The following LRMDA variants were observed in gnomAD, a reference collection of about 807,000 sequenced individuals.
LRMDA encodes leucine rich melanocyte differentiation associated, also known as leucine-rich melanocyte differentiation-associated protein.
Under a neutral mutation model 29.8 loss-of-function variants are expected in LRMDA, and 18 were observed. The ratio of observed to expected loss-of-function variants is 0.60; its 90% confidence interval spans 0.42 to 0.90. LRMDA has a LOEUF of 0.90. Among genes scored for constraint, LRMDA ranks in the 40% least tolerant of loss-of-function variants. The pLI is 0.00. For missense variants in LRMDA, 273 were observed against 273.9 expected, an observed-to-expected ratio of 1.00 and a Z score of 0.02; for synonymous variants, 125 against 109.4, an observed-to-expected ratio of 1.14 and a Z score of -0.89.
chr10:76,450,956 G>C (rs900037018), intron 6 of LRMDA, among the ~76,000 whole-genome samples: 2 of 152,126 alleles, frequency 1.3e-5, no homozygotes, highest in Admixed American at 6.5e-5. Flanking sequence ...AGTCAACATG[G>C]AAGAGCTCCT....
intron 6 of LRMDA, among the ~76,000 whole-genome samples, chr10:76,458,565 C>T (rs1170193526): frequency 6.6e-6 from 1 of 152,128 alleles, no homozygotes; most frequent in East Asian, 1.9e-4. Context: ...TATGGGGAAG[C>T]TTGAGCTCTG....
chr10:76,373,037 C>T (rs754555256), intron 6 of LRMDA, among the ~76,000 whole-genome samples: 3 of 152,044 alleles, frequency 2.0e-5, no homozygotes, highest in Non-Finnish European at 2.9e-5. Context: ...TATCGAAGAC[C>T]ATGTGGAATC....
chr10:75,464,590 G>C (rs1471569097), intron 2 of LRMDA, among the ~76,000 whole-genome samples: 1 of 152,138 alleles, frequency 6.6e-6, no homozygotes, highest in Admixed American at 6.5e-5. Context: ...AGAAAGGAAC[G>C]GCATGAGGAT....
At chr10:75,611,178 G>A (rs1403063083) in intron 2 of LRMDA, among the ~76,000 whole-genome samples, 1 of 152,150 alleles carries the variant, frequency 6.6e-6, no homozygotes, top group African/African-American at 2.4e-5. Flanking sequence ...GGCATTAGGA[G>A]TGATGATCTG....
intron 6 of LRMDA, among the ~76,000 whole-genome samples, chr10:76,430,008 A>G (rs530298098): frequency 2.0e-5 from 3 of 152,234 alleles, no homozygotes; most frequent in African/African-American, 4.8e-5. Flanking sequence ...TTATATTTCC[A>G]TACTTTATAA....
chr10:75,566,868 C>G (rs781659386), intron 2 of LRMDA, among the ~76,000 whole-genome samples: 1 of 152,206 alleles, frequency 6.6e-6, no homozygotes, highest in Non-Finnish European at 1.5e-5. Context: ...CTTATCTTTT[C>G]CTTTACTCTG....
intron 2 of LRMDA, among the ~76,000 whole-genome samples, chr10:75,670,859 G>A (rs937501999): frequency 3.9e-5 from 6 of 152,128 alleles, no homozygotes; most frequent in East Asian, 1.9e-4. Flanking sequence ...GGGACTCTGC[G>A]GACTCATGCC....
chr10:76,306,613 C>G lies in LRMDA; in HGVS notation c.517-17788C>G, dbSNP rs553232819. ...TATTCAAGGCAAACATCCTTGGCATCTCTTTTAGAAATAGGCCTGAAAGAT... is the reference window on the plus strand; with the variant it reads ...TATTCAAGGCAAACATCCTTGGCATGTCTTTTAGAAATAGGCCTGAAAGAT... On this transcript the variant is annotated intron_variant, in intron 5 of 6. Coordinates refer to ENST00000611255, the MANE Select transcript of LRMDA (RefSeq NM_001305581.2). Among the ~76,000 whole-genome samples, 105 of 152,300 alleles carry G rather than the reference C, an allele frequency of 6.9e-4. No individual in the cohort carries two copies. The South Asian group carries it at 0.021, about 30-fold the overall frequency.
intron 5 of LRMDA, among the ~76,000 whole-genome samples, chr10:76,219,188 A>G (rs1303682899): frequency 6.6e-6 from 1 of 152,234 alleles, no homozygotes; most frequent in African/African-American, 2.4e-5. Flanking sequence ...CATCGAGGCT[A>G]GGAAGAAACT....
chr10:76,118,591 G>A (rs1417716507), intron 5 of LRMDA, among the ~76,000 whole-genome samples: 1 of 152,058 alleles, frequency 6.6e-6, no homozygotes, highest in Non-Finnish European at 1.5e-5. Context: ...CATGACAGAG[G>A]AAAACATAAG....
Position 76,132,833 on chromosome 10 carries a change from C to T in LRMDA, c.516+74050C>T, listed in dbSNP as rs538753009. Among the ~76,000 whole-genome samples, 31 of 151,802 alleles carry T rather than the reference C, an allele frequency of 2.0e-4. No individual in the cohort carries two copies. In the South Asian group the frequency reaches 2.5e-3, roughly 12 times the overall value. On this transcript the variant is annotated intron_variant, in intron 5 of 6. Coordinates refer to ENST00000611255, the MANE Select transcript of LRMDA (RefSeq NM_001305581.2). ...TTTTTGGCGGGGGGGGTCAGAGTTT[C>T]GCTCTGTTGACCAGGTTGGAGTGCA...
At chr10:76,217,231 G>T (rs1470883058) in intron 5 of LRMDA, among the ~76,000 whole-genome samples, 1 of 152,068 alleles carries the variant, frequency 6.6e-6, no homozygotes, top group African/African-American at 2.4e-5. Context: ...TTGTTAAGTT[G>T]CATGGCTCAA....
chr10:75,621,224 A>ACACACACACC (rs1554816440), intron 2 of LRMDA, among the ~76,000 whole-genome samples: 3 of 143,168 alleles, frequency 2.1e-5, no homozygotes, highest in South Asian at 2.3e-4. Flanking sequence ...ACACACACAC[A>ACACACACACC]CCCACACACC....
At chr10:76,333,066 T>G (rs781179403) in intron 6 of LRMDA, among the ~76,000 whole-genome samples, 12 of 152,180 alleles carry the variant, frequency 7.9e-5, no homozygotes, top group Non-Finnish European at 1.2e-4. Flanking sequence ...ATGTTGGCAC[T>G]GAGCTTTGAA....
intron 5 of LRMDA, among the ~76,000 whole-genome samples, chr10:76,118,536 C>T (rs2132121714): frequency 6.6e-6 from 1 of 152,240 alleles, no homozygotes; most frequent in East Asian, 1.9e-4. Flanking sequence ...GAAATGCAAA[C>T]TTAGGTCCAT....
chr10:76,257,245 A>AAAG (rs1440721652), intron 5 of LRMDA, among the ~76,000 whole-genome samples: 1 of 152,172 alleles, frequency 6.6e-6, no homozygotes, highest in Non-Finnish European at 1.5e-5. Context: ...TTATAACTGA[A>AAAG]AAGAATTTTG....
chr10:75,511,649 A>G (rs563118710), intron 2 of LRMDA, among the ~76,000 whole-genome samples: 1 of 152,330 alleles, frequency 6.6e-6, no homozygotes, highest in East Asian at 1.9e-4. Flanking sequence ...ACTATCTCCC[A>G]TGTTGTGTAA....
chr10:76,431,996 C>G (rs1283336643), intron 6 of LRMDA, among the ~76,000 whole-genome samples: 3 of 152,232 alleles, frequency 2.0e-5, no homozygotes, highest in East Asian at 3.9e-4. Flanking sequence ...TCCAATAAAC[C>G]TCTTTATTTT....
In LRMDA at chr10:76,151,463, G is replaced by A. The variant is rs1589352434; in HGVS notation, c.516+92680G>A. Among the ~76,000 whole-genome samples the A allele has an allele frequency of 5.9e-5, 9 of 152,082 alleles. 1 individual carries two copies. The South Asian group carries it at 1.9e-3, about 32-fold the overall frequency. On this transcript the variant is annotated intron_variant, in intron 5 of 6. Transcript: ENST00000611255. ...ATAATCGTATTTGTTTGTATTTCTT[G>A]TCTGTTTGATACTAGAATGTAAACC...
Sources: gnomAD v4.1 joint callset for allele counts (sites outside exome capture counted in the v4.1 genomes callset) on GRCh38, gnomAD v4.1.1 for gene constraint, MANE v1.5 for transcripts, NCBI Gene and HGNC (gene_info 2026-07-23, HGNC 2026-07-21) for gene names.